The following KIF13A variants were observed in gnomAD, a reference collection of about 807,000 sequenced individuals.
KIF13A encodes kinesin family member 13A.
Under a neutral mutation model 212.2 loss-of-function variants are expected in KIF13A, and 79 were observed. The observed-to-expected ratio is 0.37, with a 90% CI of 0.31 to 0.45. The LOEUF (loss-of-function observed/expected upper bound fraction) is 0.45. KIF13A is among the 20% of genes least tolerant of loss of function. The probability of loss-of-function intolerance (pLI) is 1.00; values close to 1 mark genes in which losing one functional copy is unlikely to be tolerated. For synonymous variants in KIF13A, 789 were observed against 808.6 expected (o/e 0.98, Z 0.41); for missense variants, 1,901 against 2,209.0 (o/e 0.86, Z 2.79).
intron 2 of KIF13A, chr6:17,953,863 G>T: frequency 5.3e-6 from 1 of 187,820 alleles, no homozygotes; most frequent in Non-Finnish European, 1.2e-5. Flanking sequence ...GGTTGCAATT[G>T]TGCAGTTGTG....
At position 17,912,467 on chromosome 6, in the gene KIF13A, T is replaced by A. The variant is rs1774162309; in HGVS notation, c.147-14287A>T. Among the ~76,000 whole-genome samples the A allele has an allele frequency of 6.6e-6, 1 of 152,178 alleles. No homozygotes were observed. The highest frequency in any genetic ancestry group is 2.4e-5 in the African/African-American group (1 of 41,454). On this transcript the variant is annotated intron_variant, in intron 2 of 38. Transcript: ENST00000259711. This position sits in a 1 kb window ranked among gnomAD's most constrained non-coding sequence, Gnocchi z 4.2. ...TGAATCAGACACCTATACTTCAAGC[T>A]CCCTGCACTTGGAGCCTGGACTTCC...
chr6:17,966,229 T>C (rs545530041), intron 2 of KIF13A, among the ~76,000 whole-genome samples: 1 of 152,260 alleles, frequency 6.6e-6, no homozygotes, highest in African/African-American at 2.4e-5. Flanking sequence ...ATGAAAATTG[T>C]CAAAGTCAAC....
intron 4 of KIF13A, among the ~76,000 whole-genome samples, chr6:17,861,798 T>C (rs1173053036): frequency 6.6e-6 from 1 of 152,226 alleles, no homozygotes; most frequent in Non-Finnish European, 1.5e-5. Flanking sequence ...CACTGGTCTA[T>C]CTTATATGTT....
At chr6:17,791,148 T>C (rs1258120464) in intron 25 of KIF13A, among the ~76,000 whole-genome samples, 42 of 152,042 alleles carry the variant, frequency 2.8e-4, no homozygotes. Flanking sequence ...CATTATCAGT[T>C]ATATGACTAA....
intron 2 of KIF13A, among the ~76,000 whole-genome samples, chr6:17,908,529 G>A (rs576789604): frequency 3.3e-5 from 5 of 152,054 alleles, no homozygotes; most frequent in East Asian, 1.9e-4. Context: ...GCTTGAGCCC[G>A]GGAGATTGAG....
chr6:17,863,210 G>A (rs965984179), intron 4 of KIF13A, among the ~76,000 whole-genome samples: 3 of 152,036 alleles, frequency 2.0e-5, no homozygotes, highest in Admixed American at 6.6e-5. Flanking sequence ...AAATATTACC[G>A]ACCAAATATG....
At chr6:17,790,305 T>C (rs1026368062) in intron 25 of KIF13A, among the ~76,000 whole-genome samples, 7 of 152,144 alleles carry the variant, frequency 4.6e-5, no homozygotes, top group Admixed American at 3.9e-4. Flanking sequence ...CTTGGGAGAC[T>C]AAAGTGGGAG....
At chr6:17,975,412 TC>T (rs1415222768) in intron 2 of KIF13A, among the ~76,000 whole-genome samples, 1 of 152,126 alleles carries the variant, frequency 6.6e-6, no homozygotes, top group African/African-American at 2.4e-5. Flanking sequence ...TGGAGTTTTT[TC>T]CTTTTGGTGG....
In KIF13A at chr6:17,900,703, A is replaced by T. The variant is rs1416252715; in HGVS notation, c.147-2523T>A. 6.6e-6 allele frequency among the ~76,000 whole-genome samples: 1 copy of T among 152,196 alleles called. No individual in the cohort carries two copies. The highest frequency in any genetic ancestry group is 1.5e-5 in the Non-Finnish European group (1 of 68,022). On this transcript the variant is annotated intron_variant, in intron 2 of 38. Coordinates refer to ENST00000259711, the MANE Select transcript of KIF13A (RefSeq NM_022113.6). This position sits in a 1 kb window ranked among gnomAD's most constrained non-coding sequence, Gnocchi z 4.6. Reference sequence around the variant, plus strand: ...TACTTCATTCACTGATACAACCTGTACTTCATTCATTGATACACCCTGTAA... The same window carrying T: ...TACTTCATTCACTGATACAACCTGTTCTTCATTCATTGATACACCCTGTAA...
chr6:17,777,429 G>T lies in KIF13A; in HGVS notation c.4093-75C>A. 1 of 1,243,096 alleles carries T rather than the reference G, an allele frequency of 8.0e-7. No individual in the cohort carries two copies. 77.0% of individuals were successfully genotyped at this position (1,243,096 alleles called of 1,614,324 possible). On this transcript the variant is annotated intron_variant, in intron 33 of 38. Coordinates refer to ENST00000259711, the MANE Select transcript of KIF13A (RefSeq NM_022113.6). The surrounding 1 kb of genome is among the most constrained non-coding windows in gnomAD (Gnocchi z 4.4). ...GACAGAGTCTCACTCTGTTGCCCAGGCTGGAGTGTAGTGATGCGATCTCTG... is the reference window on the plus strand; with the variant it reads ...GACAGAGTCTCACTCTGTTGCCCAGTCTGGAGTGTAGTGATGCGATCTCTG...
At chr6:17,983,556 G>C in intron 2 of KIF13A, among the ~76,000 whole-genome samples, 1 of 145,978 alleles carries the variant, frequency 6.9e-6, no homozygotes, top group South Asian at 2.3e-4. Flanking sequence ...GCAGTAGCAC[G>C]ATCTCAGCTC....
rs373126253 is a variant in KIF13A, at chr6:17,817,250, C to T, written c.1787-17G>A. On this transcript the variant is annotated splice_polypyrimidine_tract_variant and intron_variant, in intron 16 of 38. Coordinates refer to ENST00000259711, the MANE Select transcript of KIF13A (RefSeq NM_022113.6). The stretch of plus-strand genomic sequence containing the variant: ...GAACTGGGTCTAGTGAGCCAAGAGA[C>T]AAGGCAAGGTGTCTTAGTGGCGGCT... The T allele has an allele frequency of 1.8e-4, 283 of 1,610,672 alleles. No individual in the cohort carries two copies. The East Asian group carries it at 4.1e-3, about 24-fold the overall frequency.
rs1776326853 is a variant in KIF13A, at chr6:17,934,906, C to A, written c.147-36726G>T. Among the ~76,000 whole-genome samples the A allele has an allele frequency of 6.6e-6, 1 of 152,116 alleles. No homozygotes were observed. The highest frequency in any genetic ancestry group is 2.4e-5 in the African/African-American group (1 of 41,408). The stretch of plus-strand genomic sequence containing the variant: ...TAGTAATAACCAAACATATCAGTTT[C>A]ACAAGGGTCCCTTTACCTTGCAGTG... On this transcript the variant is annotated intron_variant, in intron 2 of 38. Coordinates refer to ENST00000259711, the MANE Select transcript of KIF13A (RefSeq NM_022113.6). This position sits in a 1 kb window ranked among gnomAD's most constrained non-coding sequence, Gnocchi z 5.4.
chr6:17,848,261 C>T (rs996659118), intron 9 of KIF13A, among the ~76,000 whole-genome samples: 7 of 152,110 alleles, frequency 4.6e-5, no homozygotes, highest in Admixed American at 1.3e-4. Flanking sequence ...GTTGGGAACA[C>T]TGAAAATCCA....
chr6:17,822,188 C>T (rs376277451), intron 16 of KIF13A, among the ~76,000 whole-genome samples: 49 of 151,980 alleles, frequency 3.2e-4, no homozygotes, highest in Non-Finnish European at 5.1e-4. Flanking sequence ...ACTACAGGCA[C>T]GCATCACTAC....
rs770489436 is a variant in KIF13A, at chr6:17,777,378, T to A, written c.4093-24A>T. On this transcript the variant is annotated intron_variant, in intron 33 of 38. Coordinates refer to ENST00000259711, the MANE Select transcript of KIF13A (RefSeq NM_022113.6). The surrounding 1 kb of genome is among the most constrained non-coding windows in gnomAD (Gnocchi z 4.4). The stretch of plus-strand genomic sequence containing the variant: ...GCCTGTAAACATAATAATTTGAAAA[T>A]AACACTTTTTTTTTTTTTCCCCAGA... 11 of 1,540,812 alleles carry A rather than the reference T, an allele frequency of 7.1e-6. No homozygotes were observed. The highest frequency in any genetic ancestry group is 2.3e-5 in the East Asian group (1 of 42,918).
rs1221930127 is a variant in KIF13A at position 17,811,410 on chromosome 6, C to A, written c.2001-2480G>T. ...TCCAGGGTAGGAAATAGAAAACAAA[C>A]AAATAACTATTAATATATAATCCTA... On this transcript the variant is annotated intron_variant, in intron 17 of 38. Transcript: ENST00000259711. The surrounding 1 kb of genome is among the most constrained non-coding windows in gnomAD (Gnocchi z 6.0). Among the ~76,000 whole-genome samples the A allele has an allele frequency of 1.3e-5, 2 of 152,190 alleles. No individual in the cohort carries two copies. Among genetic ancestry groups the A allele is most frequent in the African/African-American group, 2.4e-5 (1 of 41,446 alleles).
chr6:17,846,886 G>C (rs1189396473), intron 9 of KIF13A, among the ~76,000 whole-genome samples: 1 of 152,202 alleles, frequency 6.6e-6, no homozygotes, highest in East Asian at 1.9e-4. Flanking sequence ...CAGTGGCTGA[G>C]CCTGGGCTCG....
downstream of KIF13A, chr6:17,759,345 T>C (rs1310638210): frequency 6.6e-6 from 1 of 152,096 alleles, no homozygotes; most frequent in Non-Finnish European, 1.5e-5. Context: ...AAAGGGGATA[T>C]AAATTACAGT....
Sources: gnomAD v4.1 joint callset for allele counts (sites outside exome capture counted in the v4.1 genomes callset) on GRCh38, gnomAD v4.1.1 for gene constraint, Gnocchi (gnomAD v3.1) non-coding constraint, MANE v1.5 for transcripts, NCBI Gene and HGNC (gene_info 2026-07-23, HGNC 2026-07-21) for gene names.